The following CADPS variants were observed in gnomAD, a reference collection of about 807,000 sequenced individuals.
The protein encoded by CADPS is calcium dependent secretion activator, also known as calcium-dependent secretion activator 1.
A neutral mutation model predicts 167.3 loss-of-function variants in CADPS; 57 were observed. That is an observed-to-expected ratio of 0.34 (90% CI 0.28 to 0.42). The LOEUF (loss-of-function observed/expected upper bound fraction) is 0.42. CADPS is among the 20% of genes least tolerant of loss of function. CADPS has a pLI of 1.00. For synonymous variants in CADPS, 676 were observed against 635.3 expected, an observed-to-expected ratio of 1.06 and a Z score of -0.96; for missense variants, 1,414 against 1,738.1, an observed-to-expected ratio of 0.81 and a Z score of 3.32.
chr3:62,572,736 T>C (rs2081519622), intron 8 of CADPS, among the ~76,000 whole-genome samples: 1 of 152,314 alleles, frequency 6.6e-6, no homozygotes, highest in Non-Finnish European at 1.5e-5. Flanking sequence ...TTAAAATACA[T>C]AAATGATTAC....
chr3:62,600,583 G>A (rs997430087), intron 6 of CADPS, among the ~76,000 whole-genome samples: 1 of 152,176 alleles, frequency 6.6e-6, no homozygotes, highest in Non-Finnish European at 1.5e-5. Context: ...AACTTTCACT[G>A]CTTAGGGATT....
intron 3 of CADPS, among the ~76,000 whole-genome samples, chr3:62,699,088 G>A (rs1396079501): frequency 2.0e-5 from 3 of 151,894 alleles, no homozygotes; most frequent in South Asian, 2.1e-4. Flanking sequence ...ACACTGTACC[G>A]GATGTGTAGT....
intron 3 of CADPS, among the ~76,000 whole-genome samples, chr3:62,720,388 A>G (rs928962461): frequency 6.6e-6 from 1 of 151,042 alleles, no homozygotes; most frequent in Non-Finnish European, 1.5e-5. Context: ...ACTGCAGTGC[A>G]GTGGTAAGAT....
chr3:62,550,866 C>T (rs1364657596), intron 10 of CADPS: 6 of 456,594 alleles, frequency 1.3e-5, no homozygotes, highest in Admixed American at 9.4e-5. Context: ...ATTTGCACTC[C>T]CTTCTCTTCA....
At chr3:62,766,788 T>G (rs568615910) in intron 1 of CADPS, among the ~76,000 whole-genome samples, 38 of 152,322 alleles carry the variant, frequency 2.5e-4, no homozygotes, top group Admixed American at 7.2e-4. Flanking sequence ...CAGGTATCAA[T>G]GCAGGCAGCA....
chr3:62,437,008 A>G (rs771629056), intron 28 of CADPS, among the ~76,000 whole-genome samples: 72 of 152,032 alleles, frequency 4.7e-4, no homozygotes, highest in Non-Finnish European at 8.8e-4. Flanking sequence ...ACACACACAC[A>G]TACACACACA....
chr3:62,870,864 A>G (rs886898458), intron 1 of CADPS, among the ~76,000 whole-genome samples: 2 of 152,188 alleles, frequency 1.3e-5, no homozygotes, highest in Admixed American at 6.5e-5. Flanking sequence ...CATAGTTTAG[A>G]AACATATGGT....
intron 1 of CADPS, among the ~76,000 whole-genome samples, chr3:62,780,878 T>G (rs980730425): frequency 6.6e-6 from 1 of 152,200 alleles, no homozygotes; most frequent in Admixed American, 6.5e-5. Context: ...ATGAGTCATG[T>G]TTTTAACTTT....
intron 1 of CADPS, among the ~76,000 whole-genome samples, chr3:62,810,989 C>A (rs2094366185): frequency 6.6e-6 from 1 of 152,196 alleles, no homozygotes; most frequent in Admixed American, 6.5e-5. Flanking sequence ...GGGAAACAAA[C>A]CCAGAATAGA....
intron 1 of CADPS, among the ~76,000 whole-genome samples, chr3:62,780,001 T>G (rs2091243048): frequency 6.6e-6 from 1 of 152,214 alleles, no homozygotes; most frequent in South Asian, 2.1e-4. Flanking sequence ...GATTCATCAT[T>G]GAACTGAGGG....
intron 17 of CADPS, among the ~76,000 whole-genome samples, chr3:62,502,730 G>T (rs536895075): frequency 3.0e-4 from 46 of 152,170 alleles, no homozygotes; most frequent in Non-Finnish European, 6.2e-4. Flanking sequence ...GAGGAATGAT[G>T]AAAGTTTACG....
In CADPS at chr3:62,400,748, C is replaced by T. The variant is rs542819012; in HGVS notation, c.3883-1163G>A. On this transcript the variant is annotated intron_variant, in intron 29 of 29. Coordinates refer to ENST00000383710, the MANE Select transcript of CADPS (RefSeq NM_003716.4). Reference sequence around the variant, plus strand: ...CTGAGTAGCTGGGATTATAGGTGCCCGCCACCATGCCCAACTAATTTTTGT... The same window carrying T: ...CTGAGTAGCTGGGATTATAGGTGCCTGCCACCATGCCCAACTAATTTTTGT... Among the ~76,000 whole-genome samples, 62 of 151,874 alleles carry T rather than the reference C, an allele frequency of 4.1e-4. No homozygotes were observed. The East Asian group carries it at 7.2e-3, about 18-fold the overall frequency.
intron 3 of CADPS, among the ~76,000 whole-genome samples, chr3:62,724,119 C>G (rs2076315852): frequency 6.6e-6 from 1 of 152,228 alleles, no homozygotes; most frequent in South Asian, 2.1e-4. Context: ...TCCTCCAAAA[C>G]AGGTGCAAAA....
intron 1 of CADPS, among the ~76,000 whole-genome samples, chr3:62,799,521 T>C (rs1485524642): frequency 6.6e-6 from 1 of 152,176 alleles, no homozygotes; most frequent in Non-Finnish European, 1.5e-5. Context: ...CATTCAGGTC[T>C]AAATACATTT....
At chr3:62,863,441 C>T (rs1304797583) in intron 1 of CADPS, among the ~76,000 whole-genome samples, 2 of 152,086 alleles carry the variant, frequency 1.3e-5, no homozygotes, top group Non-Finnish European at 2.9e-5. Flanking sequence ...CCAATGAATG[C>T]TAACTATTTA....
intron 13 of CADPS, among the ~76,000 whole-genome samples, chr3:62,520,558 C>T (rs1400476262): frequency 6.6e-6 from 1 of 152,138 alleles, no homozygotes; most frequent in Non-Finnish European, 1.5e-5. Flanking sequence ...TCTTGATCAC[C>T]TATGTCAGCG....
chr3:62,587,730 C>A (rs1246977223), intron 7 of CADPS, among the ~76,000 whole-genome samples: 1 of 152,180 alleles, frequency 6.6e-6, no homozygotes, highest in African/African-American at 2.4e-5. Flanking sequence ...ACGCAATAGC[C>A]GCAGCTCATT....
rs2063341496 is a variant in CADPS, at chr3:62,622,426, A to G, written c.1325+23296T>C. On this transcript the variant is annotated intron_variant, in intron 6 of 29. Coordinates refer to ENST00000383710, the MANE Select transcript of CADPS (RefSeq NM_003716.4). Reference sequence around the variant, plus strand: ...CTGAAACTTCTTCCTAAAGCTGAACAATCAGGCCCATATGCATACACACAT... The same window carrying G: ...CTGAAACTTCTTCCTAAAGCTGAACGATCAGGCCCATATGCATACACACAT... 2.0e-5 allele frequency among the ~76,000 whole-genome samples: 3 copies of G among 152,150 alleles called. No homozygotes were observed. The South Asian group carries it at 6.2e-4, about 32-fold the overall frequency.
intron 6 of CADPS, among the ~76,000 whole-genome samples, chr3:62,619,520 G>C (rs1235953513): frequency 6.6e-6 from 1 of 152,078 alleles, no homozygotes; most frequent in Non-Finnish European, 1.5e-5. Flanking sequence ...TCAGGTTCCA[G>C]CTTGAAAAAA....
Sources: gnomAD v4.1 joint callset for allele counts (sites outside exome capture counted in the v4.1 genomes callset) on GRCh38, gnomAD v4.1.1 for gene constraint, MANE v1.5 for transcripts, NCBI Gene and HGNC (gene_info 2026-07-23, HGNC 2026-07-21) for gene names.